BICRA: variants seen among roughly 807,000 people sequenced by gnomAD.
BICRA encodes the protein BRD4 interacting chromatin remodeling complex associated protein, also known as BRD4-interacting chromatin-remodeling complex-associated protein.
In BICRA, 31 loss-of-function variants were observed where a neutral mutation model predicts 96.9. The ratio of observed to expected loss-of-function variants is 0.32; its 90% CI spans 0.24 to 0.43. The LOEUF (loss-of-function observed/expected upper bound fraction) is 0.43. Among genes scored for constraint, BICRA ranks in the 20% least tolerant of loss-of-function variants. The pLI is 1.00. For synonymous variants in BICRA, 1,350 were observed against 1,071.8 expected (o/e 1.26, Z -5.07); for missense variants, 2,283 against 2,190.3 (o/e 1.04, Z -0.84).
Position 47,680,934 on chromosome 19 carries a change from GC to G in BICRA, c.1770del (p.Ser591AlafsTer133), listed in dbSNP as rs1185114986. ...ATTVLQGVTL[P>X]PSAVAMLNTP... is the part of the protein sequence containing the mutation. ...CCACTGTCCTCCAGGGGGTCACCCT[GC>G]CCCCCAGCGCCGTGGCCATGCTCAA... On this transcript the variant is annotated frameshift_variant, in exon 6 of 15. Transcript: ENST00000594866. LOFTEE classifies it high-confidence loss of function. 5 of 1,467,856 alleles carry G rather than the reference GC, an allele frequency of 3.4e-6. No individual in the cohort carries two copies. Among genetic ancestry groups the G allele is most frequent in the South Asian group, 2.7e-5 (2 of 73,808 alleles). 90.9% of individuals were successfully genotyped at this position (1,467,856 alleles called of 1,614,324 possible).
intron 1 of BICRA, among the ~76,000 whole-genome samples, chr19:47,652,974 G>C (rs951386014): frequency 3.3e-5 from 5 of 150,374 alleles, no homozygotes; most frequent in Non-Finnish European, 7.4e-5. Flanking sequence ...GCAGTAGTCT[G>C]GGCGATCTTT....
chr19:47,624,803 C>T (rs952357548), intron 1 of BICRA, among the ~76,000 whole-genome samples: 3 of 151,794 alleles, frequency 2.0e-5, no homozygotes, highest in Admixed American at 6.6e-5. Context: ...AAGCGTTCCT[C>T]CAACCTCAGC....
Position 47,682,105 on chromosome 19 carries a change from G to T in BICRA, c.2236G>T (p.Gly746Cys). The change falls in exon 7 of 15, where the codon GGC becomes TGC. Residue 746 changes from glycine to cysteine, a missense_variant. By Grantham distance (159) the Gly-to-Cys change is radical. Coordinates refer to ENST00000594866, the MANE Select transcript of BICRA (RefSeq NM_001394372.1). ...CCCCGTCGCCAAAGGAGCTGGCCTC[G>T]GCCCTCAGGCCCCCGACAGCCAGGC... ...ATPVAKGAGL[G>C]PQAPDSQASP... The T allele has an allele frequency of 1.4e-6, 2 of 1,478,524 alleles. No homozygotes were observed. Among genetic ancestry groups the T allele is most frequent in the Non-Finnish European group, 9.1e-7 (1 of 1,098,556 alleles). 91.6% of individuals were successfully genotyped at this position (1,478,524 alleles called of 1,614,324 possible).
intron 1 of BICRA, among the ~76,000 whole-genome samples, chr19:47,618,479 G>T (rs1308863924): frequency 6.6e-6 from 1 of 152,164 alleles, no homozygotes; most frequent in Non-Finnish European, 1.5e-5. Context: ...ACTATTGTTA[G>T]TGTTGTTATT....
chr19:47,672,825 C>T (rs746898606), intron 2 of BICRA, among the ~76,000 whole-genome samples: 14 of 152,054 alleles, frequency 9.2e-5, no homozygotes, highest in Non-Finnish European at 1.9e-4. Flanking sequence ...GAGCACTCGA[C>T]AAATGTTAGC....
Position 47,680,834 on chromosome 19 carries a change from TC to T in BICRA, c.1666del (p.Gln556ArgfsTer168). 6.3e-7 allele frequency: 1 copy of T among 1,596,720 alleles called. No homozygotes were observed. On this transcript the variant is annotated frameshift_variant, in exon 6 of 15. Coordinates refer to ENST00000594866, the MANE Select transcript of BICRA (RefSeq NM_001394372.1). LOFTEE classifies it high-confidence loss of function. ...APIQVGQPAL[F>X]QMPVSLAAGS... Reference sequence around the variant, plus strand: ...ATCCAGGTGGGCCAGCCTGCGCTCTTCCAGATGCCCGTGTCGCTGGCGGCGG... The same window carrying T: ...ATCCAGGTGGGCCAGCCTGCGCTCTTCAGATGCCCGTGTCGCTGGCGGCGG...
intron 1 of BICRA, among the ~76,000 whole-genome samples, chr19:47,612,202 C>T (rs976256072): frequency 6.6e-5 from 10 of 151,950 alleles, no homozygotes; most frequent in Non-Finnish European, 1.5e-4. Flanking sequence ...ATTGCTTGAG[C>T]CCTGGATTTT....
intron 7 of BICRA, among the ~76,000 whole-genome samples, chr19:47,691,036 A>G (rs1009575148): frequency 2.0e-5 from 3 of 152,190 alleles, no homozygotes; most frequent in Non-Finnish European, 4.4e-5. Context: ...CGTGTCTCAC[A>G]CTGTTTCTAA....
chr19:47,679,178 A>G, intron 5 of BICRA, 143 bp from the exon 6 acceptor site: 1 of 518,010 alleles, frequency 1.9e-6, no homozygotes, highest in Non-Finnish European at 3.2e-6. Context: ...TGAGATTACA[A>G]GCGTGAACCA....
chr19:47,680,415 C>G lies in BICRA; in HGVS notation c.1245C>G (p.Pro415=), dbSNP rs980689338. ...AGQNVVLSGF[P]APALQANVFK... is the part of the protein sequence containing the mutation. Reference sequence around the variant, plus strand: ...AGAACGTGGTGCTGTCGGGCTTCCCCGCGCCTGCGCTGCAAGCGAACGTCT... The same window carrying G: ...AGAACGTGGTGCTGTCGGGCTTCCCGGCGCCTGCGCTGCAAGCGAACGTCT... Residue 415 remains proline, a synonymous_variant, in exon 6 of 15, where the codon CCC becomes CCG. Coordinates refer to ENST00000594866, the MANE Select transcript of BICRA (RefSeq NM_001394372.1). 7.6e-5 allele frequency: 116 copies of G among 1,535,726 alleles called. No individual in the cohort carries two copies. The highest frequency in any genetic ancestry group is 9.8e-5 in the Non-Finnish European group (112 of 1,145,744).
At chr19:47,695,534 T>G in intron 10 of BICRA, 60 bp downstream of exon 10, 1 of 795,834 alleles carries the variant, frequency 1.3e-6, no homozygotes, top group Non-Finnish European at 2.1e-6. Context: ...AACTGGGAAC[T>G]GGGGCTGGCA....
At chr19:47,650,730 C>A (rs1247474081) in intron 1 of BICRA, among the ~76,000 whole-genome samples, 1 of 152,060 alleles carries the variant, frequency 6.6e-6, no homozygotes, top group African/African-American at 2.4e-5. Context: ...GGATTGGGGT[C>A]ATCTCTTCTC....
intron 1 of BICRA, among the ~76,000 whole-genome samples, chr19:47,656,046 G>A (rs1454431124): frequency 6.7e-6 from 1 of 148,550 alleles, no homozygotes; most frequent in African/African-American, 2.5e-5. Context: ...ACCAGCCTGG[G>A]GAACATGGTG....
intron 1 of BICRA, among the ~76,000 whole-genome samples, chr19:47,634,449 T>C (rs989308573): frequency 1.3e-5 from 2 of 151,904 alleles, no homozygotes; most frequent in African/African-American, 4.8e-5. Flanking sequence ...TCAGAAAGAG[T>C]GCGCCAGAAG....
At chr19:47,666,592 A>G (rs923889435) in intron 1 of BICRA, among the ~76,000 whole-genome samples, 7 of 148,472 alleles carry the variant, frequency 4.7e-5, no homozygotes, top group Non-Finnish European at 6.0e-5. Context: ...TTCTTTTTGA[A>G]ATGGAGTCTC....
chr19:47,666,959 A>T (rs1972787781), intron 1 of BICRA, among the ~76,000 whole-genome samples: 1 of 150,938 alleles, frequency 6.6e-6, no homozygotes, highest in Non-Finnish European at 1.5e-5. Flanking sequence ...TCACATAACC[A>T]CACCTTGGTC....
At chr19:47,655,166 C>T (rs905912989) in intron 1 of BICRA, among the ~76,000 whole-genome samples, 1 of 152,094 alleles carries the variant, frequency 6.6e-6, no homozygotes. Context: ...AACAAGTGTC[C>T]TTTTTGTGGT....
intron 1 of BICRA, among the ~76,000 whole-genome samples, chr19:47,658,096 C>T (rs1972648045): frequency 2.0e-5 from 3 of 152,216 alleles, no homozygotes; most frequent in Non-Finnish European, 4.4e-5. Flanking sequence ...AGACAAGATT[C>T]TGCCTCTTTA....
At chr19:47,616,676 T>G (rs921274067) in intron 1 of BICRA, among the ~76,000 whole-genome samples, 2 of 151,588 alleles carry the variant, frequency 1.3e-5, no homozygotes, top group Non-Finnish European at 2.9e-5. Context: ...AAATACCCAC[T>G]GGGCCACAAT....
Sources: gnomAD v4.1 joint callset for allele counts (sites outside exome capture counted in the v4.1 genomes callset) on GRCh38, gnomAD v4.1.1 for gene constraint, MANE v1.5 for transcripts, NCBI Gene and HGNC (gene_info 2026-07-23, HGNC 2026-07-21) for gene names.